The following AGK variants were observed in gnomAD, a reference collection of about 807,000 sequenced individuals.
AGK encodes the protein acylglycerol kinase, mitochondrial.
AGK carries 52 observed loss-of-function variants against 66.4 expected under a neutral mutation model. The ratio of observed to expected loss-of-function variants is 0.78; its 90% CI spans 0.63 to 0.99. AGK has a LOEUF of 0.99. Among genes scored for constraint, AGK ranks in the 50% least tolerant of loss-of-function variants. The probability of loss-of-function intolerance (pLI) is 0.00; values close to 1 mark genes in which losing one functional copy is unlikely to be tolerated. For synonymous variants in AGK, 182 were observed against 181.1 expected, an observed-to-expected ratio of 1.00 and a Z score of -0.04; for missense variants, 451 against 506.6, an observed-to-expected ratio of 0.89 and a Z score of 1.05.
At chr7:141,568,859 A>G (rs1795527908) in intron 2 of AGK, among the ~76,000 whole-genome samples, 1 of 152,088 alleles carries the variant, frequency 6.6e-6, no homozygotes, top group Admixed American at 6.5e-5. Flanking sequence ...TACAGGCATG[A>G]GCCACCACGC....
intron 2 of AGK, among the ~76,000 whole-genome samples, chr7:141,571,913 C>T (rs1795616826): frequency 6.6e-6 from 1 of 152,120 alleles, no homozygotes; most frequent in South Asian, 2.1e-4. Flanking sequence ...AGTCTTTTCC[C>T]TCCTCATCAG....
At chr7:141,651,226 T>C (rs1257452254) in intron 14 of AGK, among the ~76,000 whole-genome samples, 1 of 152,202 alleles carries the variant, frequency 6.6e-6, no homozygotes, top group African/African-American at 2.4e-5. Context: ...AGACTAACAA[T>C]CTAAGAATTA....
intron 2 of AGK, among the ~76,000 whole-genome samples, chr7:141,575,025 G>C (rs1333385828): frequency 6.6e-6 from 1 of 152,222 alleles, no homozygotes; most frequent in Non-Finnish European, 1.5e-5. Context: ...GAATTCAAGT[G>C]GGGTTAGGTT....
chr7:141,562,701 T>G (rs932938825), intron 2 of AGK, among the ~76,000 whole-genome samples: 4 of 152,192 alleles, frequency 2.6e-5, no homozygotes, highest in Non-Finnish European at 5.9e-5. Context: ...ACTTCCAGAG[T>G]GCTCTGCTAA....
chr7:141,581,744 G>A (rs913658844), intron 2 of AGK, among the ~76,000 whole-genome samples: 2 of 151,824 alleles, frequency 1.3e-5, no homozygotes, highest in Non-Finnish European at 2.9e-5. Context: ...AATGAGGTGT[G>A]GCTGTAGCCT....
chr7:141,624,749 A>C (rs1314037799), intron 9 of AGK, among the ~76,000 whole-genome samples: 1 of 152,232 alleles, frequency 6.6e-6, no homozygotes, highest in Non-Finnish European at 1.5e-5. Context: ...GATGCCGTGA[A>C]CCATGTTGAA....
intron 4 of AGK, 129 bp downstream of exon 4, chr7:141,596,770 T>C: frequency 1.4e-6 from 1 of 734,680 alleles, no homozygotes; most frequent in South Asian, 1.9e-5. Context: ...AGCAATAAGA[T>C]TCATTTGTAA....
At chr7:141,581,735 A>G (rs985225576) in intron 2 of AGK, among the ~76,000 whole-genome samples, 5 of 151,758 alleles carry the variant, frequency 3.3e-5, no homozygotes, top group South Asian at 2.1e-4. Flanking sequence ...AAGGGTGGCA[A>G]TGAGGTGTGG....
chr7:141,575,767 T>C (rs936576540), intron 2 of AGK, among the ~76,000 whole-genome samples: 1 of 142,806 alleles, frequency 7.0e-6, no homozygotes, highest in African/African-American at 2.6e-5. Context: ...GACCTGAAAA[T>C]TGCTGTAAAT....
intron 3 of AGK, among the ~76,000 whole-genome samples, chr7:141,595,012 A>G (rs938037779): frequency 6.6e-6 from 1 of 152,152 alleles, no homozygotes; most frequent in African/African-American, 2.4e-5. Flanking sequence ...CATCTCACAA[A>G]TGGAAGTGGA....
chr7:141,553,069 G>A (rs145577451), intron 1 of AGK, among the ~76,000 whole-genome samples: 5 of 152,164 alleles, frequency 3.3e-5, no homozygotes, highest in South Asian at 2.1e-4. Flanking sequence ...TCACAGTTCC[G>A]GAGGCTGGAA....
At chr7:141,568,520 C>A (rs560696476) in intron 2 of AGK, among the ~76,000 whole-genome samples, 1 of 152,040 alleles carries the variant, frequency 6.6e-6, no homozygotes, top group African/African-American at 2.4e-5. Context: ...CTTCTGACAC[C>A]AGTTCTGCTA....
In AGK at chr7:141,556,192, C is replaced by T. The variant is rs181628505; in HGVS notation, c.101+625C>T. ...GCATTCTTTTGAGTTTCTGATTGGC[C>T]TCTCTAAAGTAGGCAATCAGATATG... On this transcript the variant is annotated intron_variant, in intron 2 of 15. Coordinates refer to ENST00000649286, the MANE Select transcript of AGK (RefSeq NM_018238.4). Among the ~76,000 whole-genome samples, 427 of 152,234 alleles carry T rather than the reference C, an allele frequency of 2.8e-3. 3 individuals carry two copies. Among genetic ancestry groups the T allele is most frequent in the Non-Finnish European group, 4.8e-3 (329 of 68,028 alleles).
intron 5 of AGK, among the ~76,000 whole-genome samples, chr7:141,609,928 C>T (rs554079409): frequency 2.6e-4 from 40 of 151,668 alleles, no homozygotes; most frequent in Admixed American, 5.3e-4. Flanking sequence ...AGAGACCAGA[C>T]ATACATATGT....
At chr7:141,621,923 C>A in intron 9 of AGK, 122 bp downstream of exon 9, 1 of 671,718 alleles carries the variant, frequency 1.5e-6, no homozygotes, top group Non-Finnish European at 2.6e-6. Context: ...TCTTCCATTC[C>A]TACCCCAAGT....
At position 141,555,369 on chromosome 7, in the gene AGK, G is replaced by T; in HGVS notation, c.-14-84G>T. On this transcript the variant is annotated intron_variant, in intron 1 of 15. Coordinates refer to ENST00000649286, the MANE Select transcript of AGK (RefSeq NM_018238.4). This position sits in a 1 kb window ranked among gnomAD's most constrained non-coding sequence, Gnocchi z 4.2. ...AAAAAAGGAGTGAGAGAGGATAAAA[G>T]AATGGAAGACAGAGTAATAGGGACA... 5 of 883,254 alleles carry T rather than the reference G, an allele frequency of 5.7e-6. No individual in the cohort carries two copies. The highest frequency in any genetic ancestry group is 6.8e-6 in the Non-Finnish European group (4 of 586,964). The allele number at this position is 883,254 out of a possible 1,614,324, so 54.7% of individuals were successfully genotyped here.
intron 2 of AGK, among the ~76,000 whole-genome samples, chr7:141,567,380 G>A (rs1795495478): frequency 6.6e-6 from 1 of 151,806 alleles, no homozygotes; most frequent in South Asian, 2.1e-4. Flanking sequence ...TTTGTCTTTT[G>A]GTATCAGATA....
In AGK at chr7:141,615,468, C is replaced by CG. The variant is rs1796683824; in HGVS notation, c.424-3_424-2insG. On this transcript the variant is annotated splice_polypyrimidine_tract_variant and splice_region_variant and intron_variant, in intron 7 of 15. Transcript: ENST00000649286. ...AAAACTTTCCTCTTCTTTCCCCCCC[C>CG]AGGCTACCTTCAGTAAGATTCCCAT... 2 of 1,612,468 alleles carry CG rather than the reference C, an allele frequency of 1.2e-6. No individual in the cohort carries two copies.
chr7:141,650,429 A>G (rs957150759), intron 14 of AGK: 2 of 854,108 alleles, frequency 2.3e-6, no homozygotes, highest in African/African-American at 3.7e-5. Flanking sequence ...TATGTTCTGC[A>G]TTGTTAGCAC....
Sources: allele counts gnomAD v4.1 joint callset (sites outside exome capture counted in the v4.1 genomes callset), GRCh38; gene constraint gnomAD v4.1.1; non-coding constraint Gnocchi (gnomAD v3.1); transcripts MANE v1.5; gene names NCBI Gene and HGNC (gene_info 2026-07-23, HGNC 2026-07-21).